CTNNB1: variants seen among roughly 807,000 people sequenced by gnomAD.
CTNNB1 encodes catenin beta-1.
Under a neutral mutation model 82.5 loss-of-function variants are expected in CTNNB1, and 6 were observed. The observed-to-expected ratio is 0.07, with a 90% CI of 0.04 to 0.14. The LOEUF (loss-of-function observed/expected upper bound fraction) is 0.14. CTNNB1 is among the 10% of genes least tolerant of loss of function. The pLI, the probability that CTNNB1 is intolerant of heterozygous loss-of-function variation, is 1.00. For synonymous variants in CTNNB1, 312 were observed against 329.7 expected (o/e 0.95, Z 0.58); for missense variants, 529 against 980.4 (o/e 0.54, Z 6.15).
At chr3:41,234,027 G>A (rs2078373744) in intron 9 of CTNNB1, 112 bp from the exon 10 acceptor site, 3 of 1,473,380 alleles carry the variant, frequency 2.0e-6, no homozygotes, top group East Asian at 2.3e-5. Context: ...TGAAATGTTT[G>A]TGTAGTCAGA....
At chr3:41,224,924 G>A (rs2078139531) in intron 3 of CTNNB1, 30 bp from the exon 4 acceptor site, 1 of 1,614,048 alleles carries the variant, frequency 6.2e-7, no homozygotes, top group Non-Finnish European at 8.5e-7. Context: ...CTGAACTGTG[G>A]ATAGTGAGTG....
chr3:41,219,416 T>A (rs1006587809), intron 1 of CTNNB1, among the ~76,000 whole-genome samples: 2 of 152,214 alleles, frequency 1.3e-5, no homozygotes, highest in Non-Finnish European at 2.9e-5. Flanking sequence ...TTGGCCTATA[T>A]GTGCTATATC....
intron 11 of CTNNB1, 197 bp downstream of exon 11, chr3:41,236,040 T>A (rs1420028782): frequency 6.6e-6 from 5 of 752,530 alleles, no homozygotes; most frequent in Non-Finnish European, 1.1e-5. Flanking sequence ...TTCACTTTTA[T>A]GGGTGCCTAG....
At chr3:41,222,336 CAGGTACA>C (rs996513424) in intron 1 of CTNNB1, 1 of 152,222 alleles carries the variant, frequency 6.6e-6, no homozygotes, top group African/African-American at 2.4e-5. Flanking sequence ...GCCTCCAGAG[CAGGTACA>C]AGGTGAGTGA....
chr3:41,217,675 G>A (rs956560016), intron 1 of CTNNB1, among the ~76,000 whole-genome samples: 4 of 152,246 alleles, frequency 2.6e-5, no homozygotes, highest in Admixed American at 2.6e-4. Flanking sequence ...AAAAGTTTCT[G>A]CTAGTTTCAC....
At chr3:41,211,083 A>C (rs769926730) in intron 1 of CTNNB1, 1 of 456,420 alleles carries the variant, frequency 2.2e-6, no homozygotes, top group African/African-American at 2.0e-5. Context: ...AAGAGCCACC[A>C]TGTCTGGCCC....
At chr3:41,237,286 G>C (rs1274636826) in intron 13 of CTNNB1, 9 of 160,702 alleles carry the variant, frequency 5.6e-5, no homozygotes, top group Admixed American at 5.4e-4. Context: ...TCTTGAGACC[G>C]GAGTTTAAGA....
chr3:41,199,509 C>G lies in CTNNB1; in HGVS notation c.-210C>G, dbSNP rs985740075. On this transcript the variant is annotated 5_prime_UTR_variant, in exon 1 of 15. Coordinates refer to ENST00000349496, the MANE Select transcript of CTNNB1 (RefSeq NM_001904.4). ...CTCCTTGTGCGGCGCCATTTTAAGC[C>G]TCTCGGTCTGTGGCAGCAGCGTTGG... 1 of 152,562 alleles carries G rather than the reference C, an allele frequency of 6.6e-6. No individual in the cohort carries two copies. The highest frequency in any genetic ancestry group is 2.4e-5 in the African/African-American group (1 of 41,424). 9.5% of individuals were successfully genotyped at this position (152,562 alleles called of 1,614,324 possible).
At chr3:41,214,394 T>TAAAAA (rs11457773) in intron 1 of CTNNB1, among the ~76,000 whole-genome samples, 2 of 147,034 alleles carry the variant, frequency 1.4e-5, no homozygotes, top group African/African-American at 5.0e-5. Context: ...TCTTTATAGT[T>TAAAAA]AAAAAAAAAA....
At chr3:41,224,841 T>C (rs2078137643) in intron 3 of CTNNB1, 88 bp downstream of exon 3, 1 of 1,596,792 alleles carries the variant, frequency 6.3e-7, no homozygotes, top group Non-Finnish European at 8.6e-7. Context: ...TTAAATAAAA[T>C]GTTGTGGTGA....
At chr3:41,237,728 T>A in intron 13 of CTNNB1, 1 of 239,882 alleles carries the variant, frequency 4.2e-6, no homozygotes, top group African/African-American at 2.3e-5. Context: ...TAAACTGCTA[T>A]ATCTCTAGCA....
intron 7 of CTNNB1, among the ~76,000 whole-genome samples, chr3:41,230,493 A>G (rs2078282653): frequency 6.6e-6 from 1 of 152,256 alleles, no homozygotes; most frequent in Admixed American, 6.5e-5. Flanking sequence ...GAAATGGAAT[A>G]GGCACATAGT....
chr3:41,212,261 A>G (rs1210495514), intron 1 of CTNNB1, among the ~76,000 whole-genome samples: 2 of 152,188 alleles, frequency 1.3e-5, no homozygotes, highest in Non-Finnish European at 2.9e-5. Flanking sequence ...CGGGACAGCC[A>G]GATATCTGGA....
chr3:41,224,711 G>A lies in CTNNB1; in HGVS notation c.199G>A (p.Glu67Lys), dbSNP rs1353105537. The change falls in exon 3 of 15, where the codon GAA becomes AAA. Residue 67 changes from glutamate (E) to lysine (K), a missense_variant. Glu to Lys is a moderately conservative substitution (Grantham distance 56). Around this residue, in one of 4 missense-constraint regions of CTNNB1, gnomAD observed 411 missense variants for 776.4 expected, o/e 0.53. Transcript: ENST00000349496. ...VDTSQVLYEW[E>K]QGFSQSFTQE... ...TACCTCCCAAGTCCTGTATGAGTGG[G>A]AACAGGGATTTTCTCAGTCCTTCAC... 1 of 1,613,962 alleles carries A rather than the reference G, an allele frequency of 6.2e-7. No homozygotes were observed. The highest frequency in any genetic ancestry group is 2.2e-5 in the East Asian group (1 of 44,872).
chr3:41,212,082 C>G (rs572290922), intron 1 of CTNNB1, among the ~76,000 whole-genome samples: 8 of 152,204 alleles, frequency 5.3e-5, no homozygotes, highest in Non-Finnish European at 7.3e-5. Context: ...ACTGATGAAG[C>G]CTTCATGGCT....
At chr3:41,224,465 T>C in intron 2 of CTNNB1, 61 bp from the exon 3 acceptor site, 1 of 1,460,514 alleles carries the variant, frequency 6.8e-7, no homozygotes, top group South Asian at 1.2e-5. Flanking sequence ...ACAGATTCTT[T>C]TTTTTTAAAT....
chr3:41,223,257 C>G (rs1337396937), intron 1 of CTNNB1, among the ~76,000 whole-genome samples: 1 of 151,818 alleles, frequency 6.6e-6, no homozygotes. Flanking sequence ...AAGTAGTTCC[C>G]TGTGTGATGC....
intron 14 of CTNNB1, 54 bp from the exon 15 acceptor site, chr3:41,239,080 C>T (rs2125652673): frequency 1.4e-5 from 20 of 1,441,626 alleles, no homozygotes; most frequent in Non-Finnish European, 1.9e-5. Flanking sequence ...TGCTTCTCTC[C>T]TCTCTCTTTT....
intron 1 of CTNNB1, among the ~76,000 whole-genome samples, chr3:41,216,842 T>A (rs1159034478): frequency 6.6e-6 from 1 of 152,250 alleles, no homozygotes; most frequent in Non-Finnish European, 1.5e-5. Context: ...AAATTTTTTT[T>A]AATGTAGACC....
Sources: gnomAD v4.1 joint callset for allele counts (sites outside exome capture counted in the v4.1 genomes callset) on GRCh38, gnomAD v4.1.1 for gene constraint, gnomAD v4.1.1 regional missense constraint, MANE v1.5 for transcripts, NCBI Gene and HGNC (gene_info 2026-07-23, HGNC 2026-07-21) for gene names.